Variants in MIS18A observed in about 807,000 individuals in gnomAD.
MIS18A encodes MIS18 kinetochore protein A, also known as protein Mis18-alpha.
Under a neutral mutation model 25.0 loss-of-function variants are expected in MIS18A, and 14 were observed. That is an observed-to-expected ratio of 0.56 (90% CI 0.37 to 0.88). MIS18A has a LOEUF of 0.88. Ranked by LOEUF, MIS18A falls within the 40% of genes least tolerant of loss-of-function variation. The pLI, the probability that MIS18A is intolerant of heterozygous loss-of-function variation, is 0.00. For missense variants in MIS18A, 292 were observed against 290.8 expected (o/e 1.00, Z -0.03); for synonymous variants, 134 against 118.6 (o/e 1.13, Z -0.84).
chr21:32,190,519 G>T, the MIS18A span, among the ~76,000 whole-genome samples: 4 of 152,152 alleles, frequency 2.6e-5, no homozygotes, highest in Non-Finnish European at 5.9e-5. Context: ...GTTCATACAA[G>T]CCTGTGGTCT....
chr21:32,199,442 T>A, the MIS18A span, among the ~76,000 whole-genome samples: 5 of 151,196 alleles, frequency 3.3e-5, no homozygotes, highest in African/African-American at 7.3e-5. Context: ...GAAAAAAAAA[T>A]TTAAAAAAAA....
the MIS18A span, among the ~76,000 whole-genome samples, chr21:32,184,660 A>G: frequency 6.6e-6 from 1 of 152,044 alleles, no homozygotes; most frequent in Admixed American, 6.6e-5. Flanking sequence ...CCAGTCTCAT[A>G]CGACCAACAG....
the MIS18A span, among the ~76,000 whole-genome samples, chr21:32,218,192 CAAAAAAAAAAA>C: frequency 3.5e-5 from 2 of 56,376 alleles, no homozygotes; most frequent in African/African-American, 1.4e-4. Context: ...GACTCCATCT[CAAAAAAAAAAA>C]AAAAAAAAAA....
chr21:32,254,326 G>A, the MIS18A span, among the ~76,000 whole-genome samples: 1 of 152,060 alleles, frequency 6.6e-6, no homozygotes, highest in Non-Finnish European at 1.5e-5. Context: ...GATCACCTGA[G>A]GTCAGGAGTT....
chr21:32,190,187 A>G, the MIS18A span, among the ~76,000 whole-genome samples: 1 of 152,022 alleles, frequency 6.6e-6, no homozygotes, highest in African/African-American at 2.4e-5. Context: ...GCAAACAGCA[A>G]CTGCAGCATC....
chr21:32,202,217 G>A, the MIS18A span, among the ~76,000 whole-genome samples: 1 of 152,034 alleles, frequency 6.6e-6, no homozygotes, highest in Admixed American at 6.6e-5. Flanking sequence ...TGAGCCTGGA[G>A]GTTGAGGCTG....
the MIS18A span, among the ~76,000 whole-genome samples, chr21:32,167,572 C>A: frequency 1.3e-5 from 2 of 152,048 alleles, no homozygotes; most frequent in Non-Finnish European, 2.9e-5. Context: ...AATATCCTTA[C>A]TGGGGCATAG....
the MIS18A span, among the ~76,000 whole-genome samples, chr21:32,177,225 T>C: frequency 6.6e-6 from 1 of 152,308 alleles, no homozygotes; most frequent in East Asian, 1.9e-4. Context: ...TCTTAATAAA[T>C]GCAGAAAAGC....
intron 1 of MIS18A, 26 bp downstream of exon 1, chr21:32,278,655 C>A (rs753332692): frequency 1.1e-5 from 17 of 1,491,836 alleles, no homozygotes; most frequent in African/African-American, 5.5e-5. Flanking sequence ...CCCCACGCCC[C>A]CCCTGCCCGG....
At chr21:32,242,823 G>A in the MIS18A span, among the ~76,000 whole-genome samples, 29 of 152,126 alleles carry the variant, frequency 1.9e-4, no homozygotes, top group African/African-American at 6.8e-4. Flanking sequence ...GGGCCATGTC[G>A]AACTGGTAAT....
At chr21:32,174,400 A>G in the MIS18A span, among the ~76,000 whole-genome samples, 1 of 152,232 alleles carries the variant, frequency 6.6e-6, no homozygotes, top group African/African-American at 2.4e-5. Flanking sequence ...ATGCTGACAT[A>G]GCTCTCAAAC....
At chr21:32,238,637 A>T in the MIS18A span, among the ~76,000 whole-genome samples, 2 of 152,152 alleles carry the variant, frequency 1.3e-5, no homozygotes, top group South Asian at 4.2e-4. Flanking sequence ...CCCTTCCTCA[A>T]TCAACCCCCA....
the MIS18A span, among the ~76,000 whole-genome samples, chr21:32,248,470 A>G: frequency 6.6e-6 from 1 of 152,222 alleles, no homozygotes; most frequent in East Asian, 1.9e-4. Context: ...TAGGTGCTCA[A>G]TAAAAGCTTG....
At chr21:32,197,070 C>A in the MIS18A span, among the ~76,000 whole-genome samples, 1 of 152,098 alleles carries the variant, frequency 6.6e-6, no homozygotes, top group African/African-American at 2.4e-5. Context: ...AATAACAGAA[C>A]CTATTGTACG....
chr21:32,229,170 T>C, the MIS18A span, among the ~76,000 whole-genome samples: 1,194 of 152,308 alleles, frequency 7.8e-3, 12 homozygotes, highest in African/African-American at 0.025. Flanking sequence ...CTGTGTTAAC[T>C]GGATATATGT....
chr21:32,200,558 C>T, the MIS18A span, among the ~76,000 whole-genome samples: 1 of 151,934 alleles, frequency 6.6e-6, no homozygotes, highest in African/African-American at 2.4e-5. Flanking sequence ...CTCAGCCTCC[C>T]GAGTAGCTGG....
At chr21:32,274,531 T>C (rs1477214505) in intron 2 of MIS18A, among the ~76,000 whole-genome samples, 1 of 152,116 alleles carries the variant, frequency 6.6e-6, no homozygotes. Flanking sequence ...TATTTTTGAT[T>C]TTCTTCAGCA....
At chr21:32,274,405 A>G (rs1026235072) in intron 2 of MIS18A, among the ~76,000 whole-genome samples, 1 of 151,856 alleles carries the variant, frequency 6.6e-6, no homozygotes, top group Admixed American at 6.6e-5. Context: ...GGGTTTTGCC[A>G]TGTTGGCCAG....
the MIS18A span, among the ~76,000 whole-genome samples, chr21:32,251,329 T>C: frequency 6.6e-6 from 1 of 151,062 alleles, no homozygotes; most frequent in Non-Finnish European, 1.5e-5. Context: ...ACCAATTCAA[T>C]ACCCAGTCTC....
Sources: gnomAD v4.1 joint callset for allele counts (sites outside exome capture counted in the v4.1 genomes callset) on GRCh38, gnomAD v4.1.1 for gene constraint, MANE v1.5 for transcripts, NCBI Gene and HGNC (gene_info 2026-07-23, HGNC 2026-07-21) for gene names.